The following ERC1 variants were observed in gnomAD, a reference collection of about 807,000 sequenced individuals.
ERC1 encodes RAB6 interacting protein 2.
ERC1 carries 56 observed loss-of-function variants against 132.0 expected under a neutral mutation model. That is an observed-to-expected ratio of 0.42 (90% CI 0.34 to 0.53). The LOEUF is 0.53. Among genes scored for constraint, ERC1 ranks in the 20% least tolerant of loss-of-function variants. The pLI, the probability that ERC1 is intolerant of heterozygous loss-of-function variation, is 0.03. For synonymous variants in ERC1, 478 were observed against 476.1 expected, an observed-to-expected ratio of 1.00 and a Z score of -0.05; for missense variants, 1,202 against 1,349.9, an observed-to-expected ratio of 0.89 and a Z score of 1.72.
chr12:1,400,458 T>G (rs1010429854), intron 16 of ERC1, among the ~76,000 whole-genome samples: 3 of 152,198 alleles, frequency 2.0e-5, no homozygotes, highest in Non-Finnish European at 2.9e-5. Context: ...TTTTGCCGCT[T>G]TCGCTCTTTG....
chr12:1,297,219 G>T (rs952330102), intron 15 of ERC1, among the ~76,000 whole-genome samples: 3 of 148,844 alleles, frequency 2.0e-5, no homozygotes, highest in Non-Finnish European at 3.0e-5. Context: ...AAAAAAATTA[G>T]CCTAAAATTC....
intron 3 of ERC1, among the ~76,000 whole-genome samples, chr12:1,084,670 AT>A (rs11378427): frequency 1.5e-4 from 23 of 149,456 alleles, no homozygotes; most frequent in Non-Finnish European, 1.9e-4. Flanking sequence ...GCTTCCAGTC[AT>A]TTTTTTTTTA....
chr12:1,487,809 C>CAA (rs113641282), intron 18 of ERC1, among the ~76,000 whole-genome samples: 79,085 of 145,484 alleles, frequency 0.54, 22,165 homozygotes, highest in Middle Eastern at 0.65. Flanking sequence ...AGAAAAGAAA[C>CAA]GAGAGAGAGA....
At chr12:1,142,981 C>G (rs1313587455) in intron 8 of ERC1, among the ~76,000 whole-genome samples, 1 of 152,204 alleles carries the variant, frequency 6.6e-6, no homozygotes, top group African/African-American at 2.4e-5. Context: ...TCAGTGCAAC[C>G]TCTGCCTCCT....
At chr12:1,243,261 A>T (rs1171502106) in intron 13 of ERC1, among the ~76,000 whole-genome samples, 1 of 152,174 alleles carries the variant, frequency 6.6e-6, no homozygotes, top group East Asian at 1.9e-4. Flanking sequence ...AGATGTGCAT[A>T]GATTATCTGC....
At chr12:1,035,688 T>C (rs1037437673) in intron 2 of ERC1, among the ~76,000 whole-genome samples, 22 of 152,062 alleles carry the variant, frequency 1.4e-4, no homozygotes, top group East Asian at 1.9e-4. Context: ...TTTGGGAGGC[T>C]GAGGTGGGCG....
At chr12:1,222,803 G>A (rs757856889) in intron 12 of ERC1, among the ~76,000 whole-genome samples, 40 of 152,128 alleles carry the variant, frequency 2.6e-4, no homozygotes, top group Admixed American at 1.3e-3. Flanking sequence ...AAGCAAAACA[G>A]CCAGTAGAAT....
intron 8 of ERC1, among the ~76,000 whole-genome samples, chr12:1,179,777 G>C (rs1594007411): frequency 6.6e-6 from 1 of 152,262 alleles, no homozygotes; most frequent in East Asian, 1.9e-4. Flanking sequence ...AAAGTGCTGG[G>C]ATTACAGGCG....
At chr12:1,392,049 G>A (rs1318544345) in intron 16 of ERC1, among the ~76,000 whole-genome samples, 1 of 152,200 alleles carries the variant, frequency 6.6e-6, no homozygotes, top group African/African-American at 2.4e-5. Context: ...CTTAAAGACA[G>A]TAAGGCAGAC....
In ERC1 at chr12:1,201,375, T is replaced by G. The variant is rs531862531; in HGVS notation, c.2351+11323T>G. ...CATTCAAAGAGTGAATAAAATTGTT[T>G]TGTTGAATGTGGGAGTAGGAGAAAG... On this transcript the variant is annotated intron_variant, in intron 12 of 18. Coordinates refer to ENST00000360905, the MANE Select transcript of ERC1 (RefSeq NM_178040.4). Among the ~76,000 whole-genome samples, 19 of 152,338 alleles carry G rather than the reference T, an allele frequency of 1.2e-4. No homozygotes were observed. The South Asian group carries it at 3.7e-3, about 30-fold the overall frequency.
intron 11 of ERC1, among the ~76,000 whole-genome samples, chr12:1,188,077 A>C (rs1955306529): frequency 6.6e-6 from 1 of 152,178 alleles, no homozygotes. Flanking sequence ...ATTTATAATA[A>C]ATTATTAGAA....
In ERC1 at chr12:1,416,232, T is replaced by C. The variant is rs2092112994; in HGVS notation, c.3024+7985T>C. ...CCTCACTGAAAAGAAACTAAGTGGTTTCTGAGTTCACTGATAAATGTGACT... is the reference window on the plus strand; with the variant it reads ...CCTCACTGAAAAGAAACTAAGTGGTCTCTGAGTTCACTGATAAATGTGACT... On this transcript the variant is annotated intron_variant, in intron 17 of 18. Transcript: ENST00000360905. 7.2e-5 allele frequency among the ~76,000 whole-genome samples: 11 copies of C among 152,318 alleles called. No homozygotes were observed. In the South Asian group the frequency reaches 2.3e-3, roughly 32 times the overall value.
intron 16 of ERC1, among the ~76,000 whole-genome samples, chr12:1,393,078 C>G (rs2090116030): frequency 6.6e-6 from 1 of 152,138 alleles, no homozygotes; most frequent in African/African-American, 2.4e-5. Context: ...TCTAAAAATG[C>G]CTTTATATCC....
chr12:1,286,996 C>G (rs897680523), intron 14 of ERC1, among the ~76,000 whole-genome samples: 2 of 152,032 alleles, frequency 1.3e-5, no homozygotes, highest in Non-Finnish European at 2.9e-5. Flanking sequence ...TTGAAGAGAA[C>G]AAGCTGAGAC....
intron 17 of ERC1, among the ~76,000 whole-genome samples, chr12:1,430,099 C>G (rs138044704): frequency 8.5e-5 from 13 of 152,294 alleles, no homozygotes; most frequent in African/African-American, 2.9e-4. Context: ...TTTGTGCCAC[C>G]TATTGGAAGG....
At chr12:1,114,325 C>T (rs770112130) in intron 6 of ERC1, among the ~76,000 whole-genome samples, 4 of 152,128 alleles carry the variant, frequency 2.6e-5, no homozygotes, top group Non-Finnish European at 5.9e-5. Context: ...CCGGCCTAAA[C>T]CCTGCTTTTC....
At chr12:1,144,700 G>A (rs557142453) in intron 8 of ERC1, among the ~76,000 whole-genome samples, 1 of 146,054 alleles carries the variant, frequency 6.8e-6, no homozygotes, top group South Asian at 2.1e-4. Flanking sequence ...GTTGATTGGT[G>A]GGCATTTGGG....
At chr12:1,283,562 A>G (rs946711070) in intron 14 of ERC1, among the ~76,000 whole-genome samples, 5 of 152,200 alleles carry the variant, frequency 3.3e-5, no homozygotes, top group East Asian at 3.9e-4. Flanking sequence ...AGAGCCAGAG[A>G]GCAAATCAGA....
At chr12:1,233,799 G>T (rs1490489551) in intron 12 of ERC1, among the ~76,000 whole-genome samples, 1 of 152,098 alleles carries the variant, frequency 6.6e-6, no homozygotes, top group Non-Finnish European at 1.5e-5. Context: ...CTTTTCTCTA[G>T]ATTAGTAGGG....
Sources: allele counts gnomAD v4.1 joint callset (sites outside exome capture counted in the v4.1 genomes callset), GRCh38; gene constraint gnomAD v4.1.1; transcripts MANE v1.5; gene names NCBI Gene and HGNC (gene_info 2026-07-23, HGNC 2026-07-21).